The following MYT1 variants were observed in gnomAD, a reference collection of about 807,000 sequenced individuals.
MYT1 encodes myelin transcription factor 1.
MYT1 carries 23 observed loss-of-function variants against 123.0 expected under a neutral mutation model. That is an observed-to-expected ratio of 0.19 (90% CI 0.13 to 0.26). The LOEUF is 0.26. Ranked by LOEUF, MYT1 falls within the 10% of genes least tolerant of loss-of-function variation. The pLI, the probability that MYT1 is intolerant of heterozygous loss-of-function variation, is 1.00. For synonymous variants in MYT1, 518 were observed against 575.3 expected, an observed-to-expected ratio of 0.90 and a Z score of 1.43; for missense variants, 1,125 against 1,472.5, an observed-to-expected ratio of 0.76 and a Z score of 3.86.
At chr20:64,207,460 C>A in intron 6 of MYT1, 134 bp from the exon 7 acceptor site, 2 of 1,470,728 alleles carry the variant, frequency 1.4e-6, no homozygotes, top group Non-Finnish European at 1.8e-6. Flanking sequence ...TCTGGAGTTT[C>A]ATGTTTCCCC....
At position 64,240,452 on chromosome 20, in the gene MYT1, G is replaced by T. The variant is rs200309118; in HGVS notation, c.*4G>T. The T allele has an allele frequency of 7.0e-5, 113 of 1,611,194 alleles. No individual in the cohort carries two copies. Among genetic ancestry groups the T allele is most frequent in the Non-Finnish European group, 8.4e-5 (99 of 1,179,170 alleles). On this transcript the variant is annotated 3_prime_UTR_variant, in exon 23 of 23. Coordinates refer to ENST00000328439, the MANE Select transcript of MYT1 (RefSeq NM_004535.3). ...TGTGAGGGGCATCCAGGTCTAGGCC[G>T]TGTGGTACCCAGAAGTGTCCCAGCC...
intron 1 of MYT1, among the ~76,000 whole-genome samples, chr20:64,170,985 C>G (rs1424331940): frequency 6.8e-6 from 1 of 146,728 alleles, no homozygotes; most frequent in Admixed American, 6.8e-5. Context: ...GCCTTCTTGG[C>G]TGCAACCTCC....
At chr20:64,239,715 T>TG in intron 21 of MYT1, 45 bp from the exon 22 acceptor site, 2 of 1,610,910 alleles carry the variant, frequency 1.2e-6, no homozygotes, top group African/African-American at 2.7e-5. Context: ...CCCAGGAGGA[T>TG]GGGGGCCAAG....
chr20:64,237,934 C>T, intron 21 of MYT1, among the ~76,000 whole-genome samples: 1 of 152,198 alleles, frequency 6.6e-6, no homozygotes, highest in South Asian at 2.1e-4. Flanking sequence ...TAGGATTCTA[C>T]TCCAGCCAGT....
At position 64,232,120 on chromosome 20, in the gene MYT1, C is replaced by A. The variant is rs780994195; in HGVS notation, c.2676-44C>A. 5.6e-6 allele frequency: 9 copies of A among 1,596,478 alleles called. No homozygotes were observed. In the East Asian group the frequency reaches 8.9e-5, roughly 16 times the overall value. ...TGAGAGAGTCTCCAGGCTTCTCCTC[C>A]CAACCCTTCGCCCCTGTACTCACCC... On this transcript the variant is annotated intron_variant, in intron 18 of 22. Transcript: ENST00000328439. This position sits in a 1 kb window ranked among gnomAD's most constrained non-coding sequence, Gnocchi z 6.9.
intron 1 of MYT1, among the ~76,000 whole-genome samples, chr20:64,183,042 C>T (rs1442852159): frequency 6.6e-6 from 1 of 152,208 alleles, no homozygotes; most frequent in East Asian, 1.9e-4. Flanking sequence ...AGTCGTTCTC[C>T]ATTTTCTCCT....
At chr20:64,230,745 G>A (rs1984296712) in intron 18 of MYT1, among the ~76,000 whole-genome samples, 1 of 152,212 alleles carries the variant, frequency 6.6e-6, no homozygotes, top group South Asian at 2.1e-4. Context: ...TGCTCTGGAC[G>A]GGGATGAGGT....
At chr20:64,228,211 G>A (rs753642918) in intron 18 of MYT1, 24 of 543,984 alleles carry the variant, frequency 4.4e-5, no homozygotes, top group Non-Finnish European at 7.1e-5. Context: ...GATTTTCTGG[G>A]CTTTTCAGGT....
intron 22 of MYT1, 90 bp downstream of exon 22, chr20:64,239,993 C>T: frequency 6.5e-7 from 1 of 1,538,396 alleles, no homozygotes. Context: ...ACCCCCTCTG[C>T]CTCTGGGTCC....
chr20:64,170,070 A>G (rs1982204039), intron 1 of MYT1, among the ~76,000 whole-genome samples: 1 of 151,608 alleles, frequency 6.6e-6, no homozygotes, highest in Non-Finnish European at 1.5e-5. Flanking sequence ...AGCCTGGGAC[A>G]TATCTAGAGC....
chr20:64,175,258 C>T (rs1198474286), intron 1 of MYT1, among the ~76,000 whole-genome samples: 1 of 35,184 alleles, frequency 2.8e-5, no homozygotes, highest in Non-Finnish European at 5.0e-5. Flanking sequence ...GTAGTTGTGT[C>T]CATTTCCCCT....
intron 2 of MYT1, among the ~76,000 whole-genome samples, chr20:64,197,546 C>G (rs1182280670): frequency 6.6e-6 from 1 of 152,248 alleles, no homozygotes; most frequent in Non-Finnish European, 1.5e-5. Context: ...TGCTGCCTCC[C>G]CTTCCTGACC....
Position 64,213,558 on chromosome 20 carries a change from C to G in MYT1, c.1542C>G (p.Ala514=). The G allele has an allele frequency of 1.9e-6, 3 of 1,614,060 alleles. No individual in the cohort carries two copies. The South Asian group carries it at 3.3e-5, about 18-fold the overall frequency. ...HRSLSGCPIA[A]AEKLAKSHEK... is the part of the protein sequence containing the mutation. ...GTTTGTCTGGGTGTCCCATTGCTGC[C>G]GCCGAAAAATTAGCCAAATCCCATG... The change falls in exon 10 of 23, where the codon GCC becomes GCG. Residue 514 remains alanine, a synonymous_variant. Transcript: ENST00000328439. This position sits in a 1 kb window ranked among gnomAD's most constrained non-coding sequence, Gnocchi z 5.6.
intron 1 of MYT1, among the ~76,000 whole-genome samples, chr20:64,172,713 C>T (rs1416159793): frequency 2.7e-5 from 4 of 150,894 alleles, no homozygotes; most frequent in African/African-American, 4.9e-5. Context: ...GCCCCCAAAC[C>T]CAGTGCTGCT....
intron 1 of MYT1, among the ~76,000 whole-genome samples, chr20:64,172,043 C>A (rs1982299902): frequency 6.6e-6 from 1 of 152,196 alleles, no homozygotes; most frequent in African/African-American, 2.4e-5. Flanking sequence ...CCACTTCCTG[C>A]CCAGTCACCC....
intron 16 of MYT1, among the ~76,000 whole-genome samples, chr20:64,224,651 G>T (rs1181911594): frequency 5.3e-5 from 8 of 152,178 alleles, no homozygotes; most frequent in Non-Finnish European, 8.8e-5. Flanking sequence ...TCTAGTCCTA[G>T]AAACCCAGGA....
At chr20:64,228,652 C>A (rs1455671790) in intron 18 of MYT1, among the ~76,000 whole-genome samples, 1 of 152,174 alleles carries the variant, frequency 6.6e-6, no homozygotes, top group Non-Finnish European at 1.5e-5. Context: ...GGTTTGTGTC[C>A]TTACAAGCTT....
Position 64,237,397 on chromosome 20 carries a change from G to A in MYT1, c.3093+7G>A, listed in dbSNP as rs1332580539. The A allele has an allele frequency of 2.5e-6, 4 of 1,596,652 alleles. No individual in the cohort carries two copies. The highest frequency in any genetic ancestry group is 3.5e-5 in the Admixed American group (2 of 57,040). Reference sequence around the variant, plus strand: ...GGTGCAGCTGCAGTCCCAGGTAGGTGGTGCCGCCCCCCGCTCCTGGGCTCT... The same window carrying A: ...GGTGCAGCTGCAGTCCCAGGTAGGTAGTGCCGCCCCCCGCTCCTGGGCTCT... On this transcript the variant is annotated splice_region_variant and intron_variant, in intron 21 of 22. Transcript: ENST00000328439.
intron 1 of MYT1, among the ~76,000 whole-genome samples, chr20:64,183,807 A>G (rs2983450): frequency 5.9e-5 from 9 of 152,022 alleles, no homozygotes; most frequent in Non-Finnish European, 5.9e-5. Context: ...TCTTTTCACC[A>G]TATTGATAGT....
Sources: gnomAD v4.1 joint callset for allele counts (sites outside exome capture counted in the v4.1 genomes callset) on GRCh38, gnomAD v4.1.1 for gene constraint, Gnocchi (gnomAD v3.1) non-coding constraint, MANE v1.5 for transcripts, NCBI Gene and HGNC (gene_info 2026-07-23, HGNC 2026-07-21) for gene names.